Variants in PSMA4 observed in about 807,000 individuals in gnomAD.
PSMA4 encodes proteasome 20S subunit alpha 4.
Under a neutral mutation model 37.2 loss-of-function variants are expected in PSMA4, and 8 were observed. The observed-to-expected ratio is 0.22, with a 90% CI of 0.13 to 0.39. The LOEUF is 0.39. Ranked by LOEUF, PSMA4 falls within the 10% of genes least tolerant of loss-of-function variation. PSMA4 has a pLI of 1.00. For missense variants in PSMA4, 169 were observed against 305.1 expected, an observed-to-expected ratio of 0.55 and a Z score of 3.32; for synonymous variants, 93 against 98.8, an observed-to-expected ratio of 0.94 and a Z score of 0.35.
intron 8 of PSMA4, 33 bp downstream of exon 8, chr15:78,546,731 CTGAG>C: frequency 6.4e-7 from 1 of 1,568,126 alleles, no homozygotes; most frequent in Non-Finnish European, 8.6e-7. Context: ...ATTCTTTCGA[CTGAG>C]TGAGGGAAAT....
In PSMA4 at chr15:78,542,450, G is replaced by T; in HGVS notation, c.47-33G>T. On this transcript the variant is annotated intron_variant, in intron 3 of 8. Transcript: ENST00000044462. The stretch of plus-strand genomic sequence containing the variant: ...GCCAGTGGTGCAGGAGCACAGAGGA[G>T]AGTCTTGGCTTCTCACTGCTTTTGT... The T allele has an allele frequency of 3.1e-6, 5 of 1,600,418 alleles. No homozygotes were observed. In the South Asian group the frequency reaches 3.4e-5, roughly 11 times the overall value.
At position 78,552,091 on chromosome 15, in the gene PSMA4, C is replaced by T. The variant is rs1331871631; in HGVS notation, c.*3147C>T. On this transcript the variant is annotated 3_prime_UTR_variant, in exon 9 of 9. Transcript: ENST00000044462. Reference sequence around the variant, plus strand: ...AGTCTAGATTCTCACGCTAGCCCCACTTTCGTCTGCTCTGTGGCATATTTT... The same window carrying T: ...AGTCTAGATTCTCACGCTAGCCCCATTTTCGTCTGCTCTGTGGCATATTTT... 6.6e-6 allele frequency: 1 copy of T among 152,240 alleles called. No homozygotes were observed. The highest frequency in any genetic ancestry group is 1.5e-5 in the Non-Finnish European group (1 of 68,056). The allele number at this position is 152,240 out of a possible 1,614,324, so 9.4% of individuals were successfully genotyped here. A position where few individuals can be genotyped will look rare whatever the true frequency, so the allele number is the denominator to read the frequency against.
At chr15:78,545,565 G>T in intron 6 of PSMA4, 69 bp from the exon 7 acceptor site, 2 of 1,536,710 alleles carry the variant, frequency 1.3e-6, no homozygotes, top group South Asian at 1.1e-5. Context: ...TACCTTCACT[G>T]AGCTCAAGTA....
intron 3 of PSMA4, 103 bp from the exon 4 acceptor site, chr15:78,542,380 A>C (rs1212417072): frequency 1.4e-6 from 2 of 1,444,644 alleles, no homozygotes; most frequent in East Asian, 4.6e-5. Flanking sequence ...GAAGAGTGAA[A>C]GTGGAAATTT....
chr15:78,552,357 A>G lies in PSMA4; in HGVS notation c.*3413A>G, dbSNP rs2052653344. 1 of 152,230 alleles carries G rather than the reference A, an allele frequency of 6.6e-6. No individual in the cohort carries two copies. The allele number at this position is 152,230 out of a possible 1,614,324, so 9.4% of individuals were successfully genotyped here. On this transcript the variant is annotated 3_prime_UTR_variant, in exon 9 of 9. Transcript: ENST00000044462. Reference sequence around the variant, plus strand: ...AGTCAAAACTTTAAAATCAAAGTCAAATTGATTTCATTTTGGTGAGCTTTC... The same window carrying G: ...AGTCAAAACTTTAAAATCAAAGTCAGATTGATTTCATTTTGGTGAGCTTTC...
chr15:78,542,262 A>G (rs749443607), intron 3 of PSMA4, 43 bp downstream of exon 3: 1 of 1,550,500 alleles, frequency 6.4e-7, no homozygotes, highest in Admixed American at 2.1e-5. Flanking sequence ...TTAAAAATAA[A>G]TGTGTTAGAC....
chr15:78,544,541 C>G, intron 5 of PSMA4: 1 of 424,448 alleles, frequency 2.4e-6, no homozygotes, highest in East Asian at 4.5e-5. Flanking sequence ...CCTCGTGATC[C>G]GCCTGCCTTG....
chr15:78,542,088 A>G (rs1408017147), intron 2 of PSMA4, 89 bp from the exon 3 acceptor site: 29 of 1,481,344 alleles, frequency 2.0e-5, no homozygotes, highest in Non-Finnish European at 2.5e-5. Flanking sequence ...TTTGTATACC[A>G]GGATAGGTTT....
In PSMA4 at chr15:78,541,945, A is replaced by T. The variant is rs201503284; in HGVS notation, c.3+15A>T. On this transcript the variant is annotated intron_variant, in intron 2 of 8. Transcript: ENST00000044462. ...CAGAAAACATGGTGAGTTAATACAC[A>T]TGCCAATAAACGGTTGCCTGATAAA... is the stretch of plus-strand genomic sequence containing the variant. 4 of 1,594,924 alleles carry T rather than the reference A, an allele frequency of 2.5e-6. No homozygotes were observed.
intron 8 of PSMA4, among the ~76,000 whole-genome samples, chr15:78,547,893 T>TGC (rs922077922): frequency 1.3e-5 from 2 of 151,958 alleles, no homozygotes; most frequent in African/African-American, 4.8e-5. Flanking sequence ...ATTAACATGT[T>TGC]GCTTTATGTT....
In PSMA4 at chr15:78,542,207, T is replaced by C; in HGVS notation, c.34T>C (p.Phe12Leu). ...SRRYDSRTTI[F>L]SPEGRLYQVE... is the part of the protein sequence containing the mutation. ...AAGATATGACTCCAGGACCACTATATTTTCTCCAGAAGGTAAAATAGAAAT... is the reference window on the plus strand; with the variant it reads ...AAGATATGACTCCAGGACCACTATACTTTCTCCAGAAGGTAAAATAGAAAT... Residue 12 changes from phenylalanine to leucine, a missense_variant, in exon 3 of 9, where the codon TTT (phenylalanine) becomes CTT (leucine). Around this residue, in one of 2 missense-constraint regions of PSMA4, gnomAD observed 79 missense variants for 212.4 expected, o/e 0.37. Transcript: ENST00000044462. 6.2e-7 allele frequency: 1 copy of C among 1,605,050 alleles called. No homozygotes were observed. The highest frequency in any genetic ancestry group is 2.2e-5 in the East Asian group (1 of 44,842).
chr15:78,545,364 A>G (rs1470476551), intron 6 of PSMA4, among the ~76,000 whole-genome samples: 2 of 152,276 alleles, frequency 1.3e-5, no homozygotes, highest in Non-Finnish European at 2.9e-5. Flanking sequence ...AGTCCAAAAC[A>G]ACATTTTCAA....
rs1362117510 is a variant in PSMA4 at position 78,548,993 on chromosome 15, A to C, written c.*49A>C. ...TGGGGCACCATTTCAGTGTAAAAGCAGTCCTACTCTTCCACACTAGGAAGG... is the reference window on the plus strand; with the variant it reads ...TGGGGCACCATTTCAGTGTAAAAGCCGTCCTACTCTTCCACACTAGGAAGG... On this transcript the variant is annotated 3_prime_UTR_variant, in exon 9 of 9. Coordinates refer to ENST00000044462, the MANE Select transcript of PSMA4 (RefSeq NM_002789.6). 6.4e-7 allele frequency: 1 copy of C among 1,557,696 alleles called. No homozygotes were observed. Among genetic ancestry groups the C allele is most frequent in the Admixed American group, 2.0e-5 (1 of 49,462 alleles).
chr15:78,543,572 T>G (rs1451034899), intron 4 of PSMA4, among the ~76,000 whole-genome samples: 1 of 146,614 alleles, frequency 6.8e-6, no homozygotes, highest in Admixed American at 6.9e-5. Context: ...AAATCTTTTT[T>G]TTTTTTTTTT....
intron 4 of PSMA4, among the ~76,000 whole-genome samples, chr15:78,543,073 G>A (rs983249127): frequency 6.6e-6 from 1 of 152,182 alleles, no homozygotes; most frequent in Admixed American, 6.5e-5. Flanking sequence ...AGCTACGCAG[G>A]ATTTTGTTGA....
At position 78,552,077 on chromosome 15, in the gene PSMA4, T is replaced by G. The variant is rs1471913771; in HGVS notation, c.*3133T>G. On this transcript the variant is annotated 3_prime_UTR_variant, in exon 9 of 9. Transcript: ENST00000044462. ...GGGTTTGGCTGCCTAGTCTAGATTC[T>G]CACGCTAGCCCCACTTTCGTCTGCT... 1 of 152,314 alleles carries G rather than the reference T, an allele frequency of 6.6e-6. No homozygotes were observed. The highest frequency in any genetic ancestry group is 1.9e-4 in the East Asian group (1 of 5,182). 9.4% of individuals were successfully genotyped at this position (152,314 alleles called of 1,614,324 possible).
intron 4 of PSMA4, among the ~76,000 whole-genome samples, chr15:78,543,383 A>G (rs1043449006): frequency 6.6e-6 from 1 of 152,086 alleles, no homozygotes; most frequent in Non-Finnish European, 1.5e-5. Context: ...AGTCTCAGCT[A>G]TAAGAGAGCC....
intron 5 of PSMA4, 106 bp downstream of exon 5, chr15:78,544,373 T>A: frequency 1.5e-6 from 1 of 683,422 alleles, no homozygotes; most frequent in Non-Finnish European, 2.4e-6. Flanking sequence ...TGGAGTGCAG[T>A]GGCACGATCT....
At chr15:78,545,003 T>G (rs1047033335) in intron 6 of PSMA4, 46 bp downstream of exon 6, 1 of 1,396,836 alleles carries the variant, frequency 7.2e-7, no homozygotes, top group Non-Finnish European at 1.0e-6. Flanking sequence ...TTAAGACATT[T>G]TATGAGTTAT....
Sources: allele counts gnomAD v4.1 joint callset (sites outside exome capture counted in the v4.1 genomes callset), GRCh38; gene constraint gnomAD v4.1.1; regional missense constraint gnomAD v4.1.1; transcripts MANE v1.5; gene names NCBI Gene and HGNC (gene_info 2026-07-23, HGNC 2026-07-21).